Variants in MPP4 observed in about 807,000 individuals in gnomAD.
MPP4 encodes MAGUK p55 subfamily member 4.
Under a neutral mutation model 98.3 loss-of-function variants are expected in MPP4, and 91 were observed. The ratio of observed to expected loss-of-function variants is 0.93; its 90% confidence interval spans 0.78 to 1.10. The LOEUF (loss-of-function observed/expected upper bound fraction) is 1.10. Ranked by LOEUF, MPP4 falls within the 50% of genes least tolerant of loss-of-function variation. The pLI is 0.00. For missense variants in MPP4, 744 were observed against 792.9 expected (o/e 0.94, Z 0.74); for synonymous variants, 261 against 271.8 (o/e 0.96, Z 0.39).
At chr2:201,662,095 C>T in intron 14 of MPP4, 1 of 380,806 alleles carries the variant, frequency 2.6e-6, no homozygotes, top group South Asian at 2.1e-5. Flanking sequence ...TTTTTTATAA[C>T]TAATATTTGT....
intron 12 of MPP4, among the ~76,000 whole-genome samples, chr2:201,669,097 TG>T (rs1688264417): frequency 1.5e-5 from 1 of 67,618 alleles, no homozygotes; most frequent in Non-Finnish European, 3.9e-5. Context: ...TTTGTGTGTG[TG>T]TGTGTGTGTG....
intron 20 of MPP4, among the ~76,000 whole-genome samples, chr2:201,648,313 G>A (rs755855548): frequency 6.6e-6 from 1 of 152,162 alleles, no homozygotes; most frequent in African/African-American, 2.4e-5. Flanking sequence ...CACTGCACCT[G>A]ATCTAAATGC....
intron 14 of MPP4, chr2:201,661,321 C>A: frequency 2.3e-6 from 1 of 439,550 alleles, no homozygotes; most frequent in Non-Finnish European, 4.6e-6. Flanking sequence ...TTTATTCAGA[C>A]TACAGACCGA....
chr2:201,693,342 T>C (rs79695379), intron 2 of MPP4, among the ~76,000 whole-genome samples: 1,730 of 152,280 alleles, frequency 0.011, 12 homozygotes, highest in Non-Finnish European at 0.018. Context: ...GGAAAATGAT[T>C]GCTTTCCCCT....
intron 1 of MPP4, 143 bp from the exon 2 acceptor site, chr2:201,694,197 G>T (rs1689113722): frequency 1.4e-6 from 1 of 716,724 alleles, no homozygotes; most frequent in Non-Finnish European, 2.1e-6. Flanking sequence ...AACGACTATT[G>T]CATAAAATGC....
In MPP4 at chr2:201,650,122, C is replaced by T; in HGVS notation, c.1425G>A (p.Glu475=). ...ATGTTTCCTTGGACACATAGTGATA[C>T]TCACGCCCATTCATTTCGTAACTCT... ...TKKSYEMNGR[E]YHYVSKETFE... Residue 475 remains glutamate, a synonymous_variant, in exon 19 of 22, where the codon GAG becomes GAA. Transcript: ENST00000409474. The T allele has an allele frequency of 1.9e-6, 3 of 1,581,478 alleles. No homozygotes were observed. The highest frequency in any genetic ancestry group is 2.6e-6 in the Non-Finnish European group (3 of 1,161,594).
At chr2:201,659,208 G>A (rs1169746218) in intron 15 of MPP4, among the ~76,000 whole-genome samples, 1 of 16,040 alleles carries the variant, frequency 6.2e-5, no homozygotes, top group Non-Finnish European at 1.5e-4. Context: ...ACCATACTGT[G>A]TTTATAATTT....
In MPP4 at chr2:201,686,055, G is replaced by A. The variant is rs368242150; in HGVS notation, c.361-5C>T. 3.9e-5 allele frequency: 62 copies of A among 1,610,294 alleles called. No homozygotes were observed. Among genetic ancestry groups the A allele is most frequent in the Non-Finnish European group, 4.9e-5 (58 of 1,177,172 alleles). ...GTCATGGGCACTGAGCAAGGCCTGG[G>A]CACAGGGAAGGAAAAGGTGAGCAAA... On this transcript the variant is annotated splice_region_variant and splice_polypyrimidine_tract_variant and intron_variant, in intron 5 of 21. Coordinates refer to ENST00000409474, the MANE Select transcript of MPP4 (RefSeq NM_033066.3).
At chr2:201,693,115 G>GT in intron 2 of MPP4, 86 bp from the exon 3 acceptor site, 1 of 1,468,242 alleles carries the variant, frequency 6.8e-7, no homozygotes, top group Non-Finnish European at 9.2e-7. Flanking sequence ...ATGCCATGGG[G>GT]TCTCACCAGG....
At chr2:201,650,373 G>T (rs188910609) in intron 18 of MPP4, 2 of 985,328 alleles carry the variant, frequency 2.0e-6, no homozygotes, top group Admixed American at 6.1e-5. Context: ...GAGTGCTTAT[G>T]GTATGAAAAA....
Position 201,692,975 on chromosome 2 carries a change from C to G in MPP4, c.134G>C (p.Arg45Thr). The G allele has an allele frequency of 6.2e-7, 1 of 1,613,202 alleles. No individual in the cohort carries two copies. The highest frequency in any genetic ancestry group is 8.5e-7 in the Non-Finnish European group (1 of 1,179,626). The change falls in exon 3 of 22, where the codon AGA becomes ACA. Residue 45 changes from arginine (R) to threonine (T), a missense_variant. Arg to Thr is a moderately conservative substitution (Grantham distance 71, BLOSUM62 -1). Transcript: ENST00000409474. ...CAAGAGACACACTCCATTCACATCT[C>G]TGCCGTAGAACAGACTCAGCTCTTG... is the stretch of plus-strand genomic sequence containing the variant. Reference protein sequence around the residue: ...VLQELSLFYGRDVNGVCLLYD... With the variant: ...VLQELSLFYGTDVNGVCLLYD...
chr2:201,680,623 C>T, intron 10 of MPP4: 1 of 504,728 alleles, frequency 2.0e-6, no homozygotes, highest in Non-Finnish European at 3.5e-6. Context: ...AGACTTTTCC[C>T]TGTTTTCTAG....
chr2:201,681,422 A>T lies in MPP4; in HGVS notation c.732+74T>A, dbSNP rs558421590. 4.3e-5 allele frequency: 52 copies of T among 1,197,856 alleles called. No individual in the cohort carries two copies. In the African/African-American group the frequency reaches 7.3e-4, roughly 17 times the overall value. The allele number at this position is 1,197,856 out of a possible 1,614,324, so 74.2% of individuals were successfully genotyped here. ...CCAACACAGTACAAAGGATAGGATT[A>T]TTACGCATCATATTTAGTTGCTGTT... On this transcript the variant is annotated intron_variant, in intron 9 of 21. Transcript: ENST00000409474.
chr2:201,671,526 CA>C (rs1421621906), intron 11 of MPP4, among the ~76,000 whole-genome samples: 2 of 152,120 alleles, frequency 1.3e-5, no homozygotes, highest in African/African-American at 2.4e-5. Context: ...CAAAGACACA[CA>C]TAGCCTCAAA....
chr2:201,668,781 G>T lies in MPP4; in HGVS notation c.1012+952C>A, dbSNP rs559472107. Among the ~76,000 whole-genome samples the T allele has an allele frequency of 2.0e-5, 3 of 152,140 alleles. No individual in the cohort carries two copies. The South Asian group carries it at 6.2e-4, about 32-fold the overall frequency. The stretch of plus-strand genomic sequence containing the variant: ...TTCCCAGCTCCTCCCTCCCACCAAG[G>T]GCTATGCCCAGGTTGCCCTTCACAA... On this transcript the variant is annotated intron_variant, in intron 12 of 21. Coordinates refer to ENST00000409474, the MANE Select transcript of MPP4 (RefSeq NM_033066.3).
intron 13 of MPP4, chr2:201,665,795 A>G (rs1688159858): frequency 6.6e-6 from 1 of 152,168 alleles, no homozygotes; most frequent in African/African-American, 2.4e-5. Context: ...ACAAAATCCT[A>G]GTGATTCTTA....
intron 7 of MPP4, 136 bp from the exon 8 acceptor site, chr2:201,683,052 A>C: frequency 1.7e-6 from 1 of 605,924 alleles, no homozygotes; most frequent in Non-Finnish European, 2.8e-6. Context: ...ATAATAGAAA[A>C]GAAAGCTGGT....
Position 201,657,595 on chromosome 2 carries a change from TTTTTTGTTTTTTTG to T in MPP4, c.1129+868_1129+881del, listed in dbSNP as rs1258303080. Among the ~76,000 whole-genome samples the T allele has an allele frequency of 8.2e-3, 962 of 117,970 alleles. 131 individuals are homozygous for T. The highest frequency in any genetic ancestry group is 0.034 in the African/African-American group (919 of 27,110). 77.4% of individuals were successfully genotyped at this position (117,970 alleles called of 152,430 possible). Reference sequence around the variant, plus strand: ...CAGTGAGAACCCTGGCCCTTGTTTTTTTTTTGTTTTTTTGTTTTTTTTTGCTTATTGTATCAATC... The same window carrying T: ...CAGTGAGAACCCTGGCCCTTGTTTTTTTTTTTTTTGCTTATTGTATCAATC... On this transcript the variant is annotated intron_variant, in intron 16 of 21. Transcript: ENST00000409474.
At chr2:201,682,088 T>G (rs1312303587) in intron 8 of MPP4, among the ~76,000 whole-genome samples, 1 of 152,176 alleles carries the variant, frequency 6.6e-6, no homozygotes, top group Non-Finnish European at 1.5e-5. Flanking sequence ...AATTCCCCTG[T>G]TACATACACT....
Sources: gnomAD v4.1 joint callset for allele counts (sites outside exome capture counted in the v4.1 genomes callset) on GRCh38, gnomAD v4.1.1 for gene constraint, MANE v1.5 for transcripts, NCBI Gene and HGNC (gene_info 2026-07-23, HGNC 2026-07-21) for gene names.